Variants in PLD5 observed in about 807,000 individuals in gnomAD.
The protein encoded by PLD5 is inactive phospholipase D5.
PLD5 carries 36 observed loss-of-function variants against 61.1 expected under a neutral mutation model. The ratio of observed to expected loss-of-function variants is 0.59; its 90% CI spans 0.45 to 0.78. The LOEUF (loss-of-function observed/expected upper bound fraction) is 0.78, where lower values mean the gene tolerates loss of function less well. Ranked by LOEUF, PLD5 falls within the 30% of genes least tolerant of loss-of-function variation. The probability of loss-of-function intolerance (pLI) is 0.00; values close to 1 mark genes in which losing one functional copy is unlikely to be tolerated. For missense variants in PLD5, 515 were observed against 644.4 expected (o/e 0.80, Z 2.17); for synonymous variants, 243 against 242.8 (o/e 1.00, Z -0.01).
chr1:242,357,524 T>C (rs913756449), intron 1 of PLD5, among the ~76,000 whole-genome samples: 1 of 151,678 alleles, frequency 6.6e-6, no homozygotes, highest in African/African-American at 2.4e-5. Context: ...TTGCTCTTGT[T>C]GCCCAGGCTG....
At chr1:242,186,477 C>A (rs533613239) in intron 5 of PLD5, among the ~76,000 whole-genome samples, 15 of 152,280 alleles carry the variant, frequency 9.9e-5, no homozygotes, top group Non-Finnish European at 1.3e-4. Flanking sequence ...GCCACCATAC[C>A]TGGCCTGGGC....
intron 9 of PLD5, among the ~76,000 whole-genome samples, chr1:242,095,849 C>A (rs1304275872): frequency 6.6e-6 from 1 of 152,160 alleles, no homozygotes; most frequent in Non-Finnish European, 1.5e-5. Context: ...TAATCACTTG[C>A]AGCTGATTTC....
chr1:242,144,228 G>A (rs1045955812), intron 5 of PLD5, among the ~76,000 whole-genome samples: 3 of 129,296 alleles, frequency 2.3e-5, no homozygotes, highest in Non-Finnish European at 5.1e-5. Context: ...CAGGCTGGGA[G>A]CCACCACACC....
At chr1:242,494,459 C>G (rs1427058656) in intron 1 of PLD5, among the ~76,000 whole-genome samples, 1 of 152,132 alleles carries the variant, frequency 6.6e-6, no homozygotes, top group Non-Finnish European at 1.5e-5. Flanking sequence ...TCTGCCATCC[C>G]ATCCCCTCTT....
chr1:242,093,569 T>G (rs1420956169), intron 9 of PLD5, among the ~76,000 whole-genome samples: 1 of 152,104 alleles, frequency 6.6e-6, no homozygotes, highest in African/African-American at 2.4e-5. Flanking sequence ...AAAGCGGGAA[T>G]AGAAAAATAT....
intron 2 of PLD5, among the ~76,000 whole-genome samples, chr1:242,329,426 C>A (rs1378244405): frequency 6.6e-6 from 1 of 152,156 alleles, no homozygotes; most frequent in Non-Finnish European, 1.5e-5. Context: ...CTACCACTTG[C>A]CAGCCCACTC....
chr1:242,093,525 A>G (rs1434502526), intron 9 of PLD5, among the ~76,000 whole-genome samples: 1 of 152,154 alleles, frequency 6.6e-6, no homozygotes, highest in Non-Finnish European at 1.5e-5. Context: ...ATTGATGAGG[A>G]AATGAAGGCA....
At chr1:242,295,242 G>T (rs1214949174) in intron 2 of PLD5, among the ~76,000 whole-genome samples, 4 of 152,076 alleles carry the variant, frequency 2.6e-5, no homozygotes, top group Non-Finnish European at 5.9e-5. Flanking sequence ...CCCAAACAGC[G>T]AACATACTAC....
intron 4 of PLD5, among the ~76,000 whole-genome samples, chr1:242,222,011 A>T (rs999098892): frequency 6.6e-6 from 1 of 152,144 alleles, no homozygotes. Context: ...CCTCTGGGAC[A>T]TGCAGGGAAG....
intron 1 of PLD5, among the ~76,000 whole-genome samples, chr1:242,399,818 G>T (rs573957330): frequency 6.6e-6 from 1 of 152,100 alleles, no homozygotes; most frequent in African/African-American, 2.4e-5. Flanking sequence ...ACATTACCAC[G>T]GGAGCGCAAA....
At chr1:242,355,745 C>A (rs1195553184) in intron 1 of PLD5, among the ~76,000 whole-genome samples, 1 of 152,224 alleles carries the variant, frequency 6.6e-6, no homozygotes, top group Non-Finnish European at 1.5e-5. Context: ...TACAGACTCA[C>A]CCCTCAGAAC....
In PLD5 at chr1:242,492,522, C is replaced by CAA. The variant is rs35988130; in HGVS notation, c.189+31564_189+31565dup. On this transcript the variant is annotated intron_variant, in intron 1 of 9. Coordinates refer to ENST00000536534, the MANE Select transcript of PLD5 (RefSeq NM_001372062.1). ...GGATAACAAGAGCAAAACTCCGTCT[C>CAA]AAAAAAAAAAAAAAGAAAAGAGATA... Among the ~76,000 whole-genome samples the CAA allele has an allele frequency of 2.6e-3, 315 of 122,424 alleles. 7 individuals are homozygous for CAA. The East Asian group carries it at 0.047, about 18-fold the overall frequency. The allele number at this position is 122,424 out of a possible 152,430, so 80.3% of individuals were successfully genotyped here.
At chr1:242,141,883 G>C (rs1042638706) in intron 5 of PLD5, among the ~76,000 whole-genome samples, 7 of 152,214 alleles carry the variant, frequency 4.6e-5, no homozygotes, top group African/African-American at 1.7e-4. Flanking sequence ...GACATTTTGT[G>C]AGTTCCTCAA....
At chr1:242,188,013 T>C (rs1668013974) in intron 5 of PLD5, among the ~76,000 whole-genome samples, 1 of 152,034 alleles carries the variant, frequency 6.6e-6, no homozygotes, top group South Asian at 2.1e-4. Context: ...AATGTGTGTG[T>C]GGAGTTCATG....
At chr1:242,234,780 T>C (rs1004620078) in intron 4 of PLD5, among the ~76,000 whole-genome samples, 2 of 152,010 alleles carry the variant, frequency 1.3e-5, no homozygotes, top group Non-Finnish European at 2.9e-5. Context: ...ATTCTGCCAA[T>C]AAGCCTAACT....
chr1:242,417,341 C>T (rs954236601), intron 1 of PLD5, among the ~76,000 whole-genome samples: 8 of 152,160 alleles, frequency 5.3e-5, no homozygotes, highest in South Asian at 4.1e-4. Flanking sequence ...ATAAAACACC[C>T]GCCAGTGTTC....
Position 242,333,873 on chromosome 1 carries a change from C to T in PLD5, c.326+14233G>A, listed in dbSNP as rs115245223. 3.7e-3 allele frequency among the ~76,000 whole-genome samples: 559 copies of T among 152,074 alleles called. 8 individuals carry two copies. Among genetic ancestry groups the T allele is most frequent in the African/African-American group, 0.013 (540 of 41,444 alleles). ...ATATTCCATTGCATATATATATATA[C>T]CACATTTACTTTATTTACCCATCCA... On this transcript the variant is annotated intron_variant, in intron 2 of 9. Transcript: ENST00000536534.
At chr1:242,285,085 G>A (rs1674942224) in intron 3 of PLD5, among the ~76,000 whole-genome samples, 1 of 152,222 alleles carries the variant, frequency 6.6e-6, no homozygotes, top group Admixed American at 6.5e-5. Flanking sequence ...AAGCTTGCCT[G>A]TGAGTTCAAC....
chr1:242,350,224 A>G (rs1050540196), intron 1 of PLD5, among the ~76,000 whole-genome samples: 1 of 152,260 alleles, frequency 6.6e-6, no homozygotes, highest in African/African-American at 2.4e-5. Flanking sequence ...TTTCTGTTGT[A>G]TATAAGCTAC....
Sources: gnomAD v4.1 joint callset for allele counts (sites outside exome capture counted in the v4.1 genomes callset) on GRCh38, gnomAD v4.1.1 for gene constraint, MANE v1.5 for transcripts, NCBI Gene and HGNC (gene_info 2026-07-23, HGNC 2026-07-21) for gene names.